ZFHX3: variants seen among roughly 807,000 people sequenced by gnomAD.
The protein encoded by ZFHX3 is zinc finger homeobox protein 3.
Under a neutral mutation model 279.1 loss-of-function variants are expected in ZFHX3, and 42 were observed. The ratio of observed to expected loss-of-function variants is 0.15; its 90% confidence interval spans 0.12 to 0.19. The LOEUF (loss-of-function observed/expected upper bound fraction) is 0.19. Among genes scored for constraint, ZFHX3 ranks in the 10% least tolerant of loss-of-function variants. The pLI is 1.00. For synonymous variants in ZFHX3, 2,293 were observed against 1,957.8 expected, an observed-to-expected ratio of 1.17 and a Z score of -4.52; for missense variants, 4,981 against 4,754.0, an observed-to-expected ratio of 1.05 and a Z score of -1.40.
chr16:73,536,520 A>G (rs983720031), intron 2 of ZFHX3, among the ~76,000 whole-genome samples: 2 of 152,264 alleles, frequency 1.3e-5, no homozygotes, highest in Non-Finnish European at 2.9e-5. Context: ...CCATCTGCAT[A>G]AAGTATAACC....
At chr16:72,991,581 T>A (rs1271858245) in intron 1 of ZFHX3, among the ~76,000 whole-genome samples, 1 of 152,234 alleles carries the variant, frequency 6.6e-6, no homozygotes, top group Admixed American at 6.5e-5. Context: ...AGATGCTTAA[T>A]AGGGGTTAGC....
intron 1 of ZFHX3, among the ~76,000 whole-genome samples, chr16:73,722,524 A>G (rs2053483355): frequency 6.6e-6 from 1 of 152,244 alleles, no homozygotes; most frequent in Admixed American, 6.5e-5. Context: ...TTCAGAGAAG[A>G]TAGTTCAAAA....
At chr16:73,567,697 G>A (rs1191589980) in intron 2 of ZFHX3, among the ~76,000 whole-genome samples, 1 of 152,120 alleles carries the variant, frequency 6.6e-6, no homozygotes, top group Non-Finnish European at 1.5e-5. Flanking sequence ...TTCTCATTCC[G>A]AGTCTGGATT....
At chr16:73,329,341 T>G (rs571960417) in intron 3 of ZFHX3, among the ~76,000 whole-genome samples, 1 of 152,354 alleles carries the variant, frequency 6.6e-6, no homozygotes, top group Admixed American at 6.5e-5. Context: ...TTCCTACCCT[T>G]TCCACCCTCT....
intron 1 of ZFHX3, among the ~76,000 whole-genome samples, chr16:72,974,646 T>C (rs921668449): frequency 1.3e-5 from 2 of 151,990 alleles, no homozygotes; most frequent in African/African-American, 4.8e-5. Context: ...CAGATATCCC[T>C]GGCCTGCTGG....
At chr16:73,645,475 T>C (rs543352629) in intron 2 of ZFHX3, among the ~76,000 whole-genome samples, 260 of 152,156 alleles carry the variant, frequency 1.7e-3, no homozygotes, top group Middle Eastern at 6.8e-3. Context: ...CCAGGATGGT[T>C]TCCATCTCCT....
At chr16:73,869,974 C>A (rs972787488) in intron 1 of ZFHX3, among the ~76,000 whole-genome samples, 2 of 152,194 alleles carry the variant, frequency 1.3e-5, no homozygotes, top group African/African-American at 4.8e-5. Flanking sequence ...TGTATCTTCT[C>A]TCAGTGTCAA....
chr16:73,589,880 C>T (rs141577572), intron 2 of ZFHX3, among the ~76,000 whole-genome samples: 273 of 150,232 alleles, frequency 1.8e-3, no homozygotes, highest in African/African-American at 6.5e-3. Context: ...AAACAAGGGA[C>T]GCTAACTGTG....
intron 2 of ZFHX3, among the ~76,000 whole-genome samples, chr16:73,465,669 G>A (rs1040528246): frequency 6.6e-6 from 1 of 152,148 alleles, no homozygotes; most frequent in Non-Finnish European, 1.5e-5. Flanking sequence ...ACACATCATC[G>A]AATGCTCAGC....
intron 1 of ZFHX3, among the ~76,000 whole-genome samples, chr16:73,732,929 T>C (rs1028669879): frequency 2.0e-5 from 3 of 152,194 alleles, no homozygotes; most frequent in African/African-American, 7.2e-5. Flanking sequence ...ACAGCAGTCC[T>C]GTCATGGATC....
At chr16:73,428,336 G>C (rs1214185163) in intron 3 of ZFHX3, among the ~76,000 whole-genome samples, 1 of 152,094 alleles carries the variant, frequency 6.6e-6, no homozygotes, top group Admixed American at 6.5e-5. Flanking sequence ...AACTGCATTA[G>C]GACTAATTAA....
chr16:72,965,006 T>A (rs1392952454), intron 1 of ZFHX3, among the ~76,000 whole-genome samples: 1 of 152,094 alleles, frequency 6.6e-6, no homozygotes, highest in Non-Finnish European at 1.5e-5. Flanking sequence ...CCCTCCTGAG[T>A]AGCTGGGCCT....
chr16:73,484,848 T>C (rs1221815468), intron 2 of ZFHX3, among the ~76,000 whole-genome samples: 3 of 152,208 alleles, frequency 2.0e-5, no homozygotes, highest in African/African-American at 7.2e-5. Context: ...CATTTTATTT[T>C]TACATTGTAT....
At chr16:73,653,331 T>G (rs1273933346) in intron 2 of ZFHX3, among the ~76,000 whole-genome samples, 1 of 152,162 alleles carries the variant, frequency 6.6e-6, no homozygotes, top group Non-Finnish European at 1.5e-5. Flanking sequence ...ATTCACCATA[T>G]GATGATCCAT....
At chr16:73,655,531 T>C (rs1372501546) in intron 2 of ZFHX3, among the ~76,000 whole-genome samples, 1 of 152,100 alleles carries the variant, frequency 6.6e-6, no homozygotes, top group Non-Finnish European at 1.5e-5. Flanking sequence ...TACATTAACG[T>C]CAAAAGGGTT....
intron 2 of ZFHX3, among the ~76,000 whole-genome samples, chr16:73,507,370 A>G (rs1048734948): frequency 1.3e-5 from 2 of 152,066 alleles, no homozygotes; most frequent in Admixed American, 6.6e-5. Context: ...CCCACCCCAC[A>G]GTGACTCCTA....
At chr16:73,702,371 C>T (rs1297194449) in intron 1 of ZFHX3, among the ~76,000 whole-genome samples, 2 of 152,112 alleles carry the variant, frequency 1.3e-5, no homozygotes, top group African/African-American at 4.8e-5. Context: ...GGACACACGG[C>T]AGACAATCCT....
rs552126007 is a variant in ZFHX3 at position 73,632,835 on chromosome 16, G to A, written c.-1547+47345C>T. Reference sequence around the variant, plus strand: ...CTTACGCCTGTAATCCCAGCACTTTGGGAGGCCGAGGCAGGTAGATCACAA... The same window carrying A: ...CTTACGCCTGTAATCCCAGCACTTTAGGAGGCCGAGGCAGGTAGATCACAA... On this transcript the variant is annotated intron_variant, in intron 2 of 17. Coordinates refer to the ZFHX3 transcript ENST00000641206. Among the ~76,000 whole-genome samples, 5 of 152,330 alleles carry A rather than the reference G, an allele frequency of 3.3e-5. No individual in the cohort carries two copies. In the East Asian group the frequency reaches 9.7e-4, roughly 29 times the overall value.
rs563801495 is a variant in ZFHX3 at position 72,960,321 on chromosome 16, C to A, written c.-49-127G>T. The A allele has an allele frequency of 2.7e-5, 18 of 670,514 alleles. No individual in the cohort carries two copies. In the African/African-American group the frequency reaches 3.3e-4, roughly 12 times the overall value. 41.5% of individuals were successfully genotyped at this position (670,514 alleles called of 1,614,324 possible). A position where few individuals can be genotyped will look rare whatever the true frequency, so the allele number is the denominator to read the frequency against. ...CTCTAAGAGGCTTCTGTCCACAACA[C>A]AGAGACACAGGGCGGAGGGCGGGCC... On this transcript the variant is annotated intron_variant, in intron 1 of 9. Transcript: ENST00000268489.
Sources: allele counts gnomAD v4.1 joint callset (sites outside exome capture counted in the v4.1 genomes callset), GRCh38; gene constraint gnomAD v4.1.1; transcripts MANE v1.5; gene names NCBI Gene and HGNC (gene_info 2026-07-23, HGNC 2026-07-21).